Variants in GNAI1 observed in about 807,000 individuals in gnomAD.
GNAI1 encodes G protein subunit alpha i1.
In GNAI1, 11 loss-of-function variants were observed where a neutral mutation model predicts 38.9. The ratio of observed to expected loss-of-function variants is 0.28; its 90% confidence interval spans 0.18 to 0.47. The LOEUF (loss-of-function observed/expected upper bound fraction) is 0.47, where lower values mean the gene tolerates loss of function less well. Among genes scored for constraint, GNAI1 ranks in the 20% least tolerant of loss-of-function variants. The probability of loss-of-function intolerance (pLI) is 0.99; values close to 1 mark genes in which losing one functional copy is unlikely to be tolerated. For synonymous variants in GNAI1, 166 were observed against 145.1 expected, an observed-to-expected ratio of 1.14 and a Z score of -1.04; for missense variants, 317 against 436.9, an observed-to-expected ratio of 0.73 and a Z score of 2.45.
intron 7 of GNAI1, 60 bp from the exon 8 acceptor site, chr7:80,217,243 G>A: frequency 1.8e-6 from 2 of 1,094,948 alleles, no homozygotes; most frequent in Non-Finnish European, 2.6e-6. Context: ...ACTGAATTCA[G>A]TATTTTAAGC....
chr7:80,173,858 C>T (rs1249317070), intron 1 of GNAI1, among the ~76,000 whole-genome samples: 3 of 152,106 alleles, frequency 2.0e-5, no homozygotes, highest in Non-Finnish European at 4.4e-5. Flanking sequence ...CATGTAACAT[C>T]CCAGTGTCTG....
intron 6 of GNAI1, among the ~76,000 whole-genome samples, chr7:80,211,345 C>G (rs534588597): frequency 7.2e-5 from 11 of 152,268 alleles, no homozygotes; most frequent in African/African-American, 2.6e-4. Context: ...ATCAACATAG[C>G]ACATGGAAAT....
chr7:80,180,573 TC>T (rs1298121922), intron 1 of GNAI1, among the ~76,000 whole-genome samples: 2 of 152,142 alleles, frequency 1.3e-5, no homozygotes, highest in African/African-American at 2.4e-5. Flanking sequence ...CTCATTAACC[TC>T]CTTTGTTTTT....
chr7:80,168,290 G>GC (rs531337233), intron 1 of GNAI1, among the ~76,000 whole-genome samples: 2 of 152,002 alleles, frequency 1.3e-5, no homozygotes, highest in Non-Finnish European at 2.9e-5. Flanking sequence ...TTAGAAACAA[G>GC]CCCCCCCATG....
chr7:80,148,408 G>T (rs1000561062), intron 1 of GNAI1, among the ~76,000 whole-genome samples: 1 of 151,988 alleles, frequency 6.6e-6, no homozygotes, highest in Non-Finnish European at 1.5e-5. Context: ...GATCTTAGTG[G>T]CCCCTTTTGG....
At position 80,194,196 on chromosome 7, in the gene GNAI1, A is replaced by T. The variant is rs1412429223; in HGVS notation, c.303+4965A>T. 2.0e-5 allele frequency among the ~76,000 whole-genome samples: 3 copies of T among 152,152 alleles called. No homozygotes were observed. The East Asian group carries it at 5.8e-4, about 29-fold the overall frequency. On this transcript the variant is annotated intron_variant, in intron 3 of 7. Coordinates refer to ENST00000649796, the MANE Select transcript of GNAI1 (RefSeq NM_002069.6). Reference sequence around the variant, plus strand: ...AAAAAATCTTTGCTAATTTGTTGTTAGTAAATCATGTATCAGTTTAATTTG... The same window carrying T: ...AAAAAATCTTTGCTAATTTGTTGTTTGTAAATCATGTATCAGTTTAATTTG...
intron 1 of GNAI1, among the ~76,000 whole-genome samples, chr7:80,140,240 T>A (rs1448141941): frequency 1.3e-5 from 2 of 152,158 alleles, no homozygotes; most frequent in African/African-American, 2.4e-5. Flanking sequence ...TGCCGCGGCC[T>A]CCCAAAGTGC....
intron 3 of GNAI1, among the ~76,000 whole-genome samples, chr7:80,196,365 C>T (rs1041765094): frequency 4.6e-5 from 7 of 151,898 alleles, no homozygotes; most frequent in Non-Finnish European, 8.8e-5. Context: ...ACCTGTTAAC[C>T]CTCCTTACCA....
chr7:80,183,872 C>T (rs17153549), intron 1 of GNAI1, among the ~76,000 whole-genome samples: 4,157 of 152,150 alleles, frequency 0.027, 109 homozygotes, highest in African/African-American at 0.072. Flanking sequence ...TTCCTCCCAC[C>T]GTCTTGACTT....
chr7:80,156,751 C>T (rs1246806519), intron 1 of GNAI1, among the ~76,000 whole-genome samples: 2 of 152,138 alleles, frequency 1.3e-5, no homozygotes, highest in African/African-American at 4.8e-5. Flanking sequence ...GGCTTTTGAG[C>T]ATTGAAATGA....
intron 7 of GNAI1, 54 bp from the exon 8 acceptor site, chr7:80,217,249 T>G: frequency 5.2e-6 from 6 of 1,162,536 alleles, no homozygotes; most frequent in Non-Finnish European, 7.3e-6. Flanking sequence ...TTCAGTATTT[T>G]AAGCAGTTAT....
chr7:80,203,300 T>C (rs1183963082), intron 4 of GNAI1, among the ~76,000 whole-genome samples: 1 of 152,078 alleles, frequency 6.6e-6, no homozygotes, highest in Non-Finnish European at 1.5e-5. Context: ...ACTTTAAAAA[T>C]CTTCAGTAAA....
At chr7:80,183,873 G>A (rs568272661) in intron 1 of GNAI1, among the ~76,000 whole-genome samples, 17 of 152,076 alleles carry the variant, frequency 1.1e-4, no homozygotes, top group South Asian at 2.1e-4. Flanking sequence ...TCCTCCCACC[G>A]TCTTGACTTG....
intron 1 of GNAI1, among the ~76,000 whole-genome samples, chr7:80,169,246 A>G (rs894584159): frequency 6.6e-6 from 1 of 152,140 alleles, no homozygotes; most frequent in African/African-American, 2.4e-5. Flanking sequence ...TCTCTTTAAT[A>G]AAGTTCTGTT....
intron 1 of GNAI1, among the ~76,000 whole-genome samples, chr7:80,172,392 C>T (rs1041308995): frequency 6.6e-6 from 1 of 152,138 alleles, no homozygotes; most frequent in South Asian, 2.1e-4. Flanking sequence ...AGGGAAGTTT[C>T]CTTTGTCTCA....
chr7:80,135,217 C>T lies in GNAI1; in HGVS notation c.57C>T (p.Ile19=), dbSNP rs147129497. 10 of 1,555,612 alleles carry T rather than the reference C, an allele frequency of 6.4e-6. No individual in the cohort carries two copies. Among genetic ancestry groups the T allele is most frequent in the Middle Eastern group, 1.7e-4 (1 of 5,738 alleles). ...CGGCGGTGGAGCGGAGTAAGATGAT[C>T]GACCGCAACCTCCGTGAGGACGGCG... The part of the protein sequence containing the change: ...DKAAVERSKM[I]DRNLREDGEK... Residue 19 remains isoleucine, a synonymous_variant, in exon 1 of 8, where the codon ATC becomes ATT. Coordinates refer to ENST00000649796, the MANE Select transcript of GNAI1 (RefSeq NM_002069.6).
At chr7:80,177,533 G>A (rs1263303006) in intron 1 of GNAI1, among the ~76,000 whole-genome samples, 1 of 152,240 alleles carries the variant, frequency 6.6e-6, no homozygotes, top group Non-Finnish European at 1.5e-5. Flanking sequence ...CCAGGATGGA[G>A]TGCTGTGGCA....
intron 1 of GNAI1, among the ~76,000 whole-genome samples, chr7:80,154,494 A>G (rs775809358): frequency 6.6e-6 from 1 of 152,012 alleles, no homozygotes; most frequent in East Asian, 1.9e-4. Context: ...ATGAGGTGGC[A>G]ACATGATTTT....
At chr7:80,145,363 G>C (rs776655167) in intron 1 of GNAI1, among the ~76,000 whole-genome samples, 2 of 152,092 alleles carry the variant, frequency 1.3e-5, no homozygotes, top group Non-Finnish European at 2.9e-5. Flanking sequence ...TTTTAAAGAG[G>C]TAATGTGGTG....
Sources: gnomAD v4.1 joint callset for allele counts (sites outside exome capture counted in the v4.1 genomes callset) on GRCh38, gnomAD v4.1.1 for gene constraint, MANE v1.5 for transcripts, NCBI Gene and HGNC (gene_info 2026-07-23, HGNC 2026-07-21) for gene names.